Variants in ATP9A observed in about 807,000 individuals in gnomAD.
The protein encoded by ATP9A is ATPase phospholipid transporting 9A, also known as probable phospholipid-transporting ATPase IIA.
A neutral mutation model predicts 144.1 loss-of-function variants in ATP9A; 52 were observed. The observed-to-expected ratio is 0.36, with a 90% CI of 0.29 to 0.45. The LOEUF is 0.45. Ranked by LOEUF, ATP9A falls within the 20% of genes least tolerant of loss-of-function variation. The probability of loss-of-function intolerance (pLI) is 1.00; values close to 1 mark genes in which losing one functional copy is unlikely to be tolerated. For synonymous variants in ATP9A, 582 were observed against 557.4 expected (o/e 1.04, Z -0.62); for missense variants, 947 against 1,392.7 (o/e 0.68, Z 5.09).
intron 6 of ATP9A, among the ~76,000 whole-genome samples, 192 bp downstream of exon 6, chr20:51,695,901 G>T (rs1210858122): frequency 6.6e-6 from 1 of 152,114 alleles, no homozygotes; most frequent in African/African-American, 2.4e-5. Context: ...ATTTTTTAAT[G>T]ATCACAATCT....
At chr20:51,718,380 G>T (rs1197437989) in intron 3 of ATP9A, among the ~76,000 whole-genome samples, 1 of 150,610 alleles carries the variant, frequency 6.6e-6, no homozygotes, top group Admixed American at 6.7e-5. Flanking sequence ...GTGTGGGGGG[G>T]GGTTGTTTGT....
At position 51,611,354 on chromosome 20, in the gene ATP9A, C is replaced by T. The variant is rs922645696; in HGVS notation, c.2572-1189G>A. On this transcript the variant is annotated intron_variant, in intron 23 of 27. Coordinates refer to ENST00000338821, the MANE Select transcript of ATP9A (RefSeq NM_006045.3). The surrounding 1 kb of genome is among the most constrained non-coding windows in gnomAD (Gnocchi z 4.2). ...CAGTGACTTTTCACCCAGGCTGTGC[C>T]GCTGCTTAGGAAGGATGGTTGTAAA... Among the ~76,000 whole-genome samples the T allele has an allele frequency of 1.3e-5, 2 of 152,196 alleles. No homozygotes were observed. Among genetic ancestry groups the T allele is most frequent in the Admixed American group, 6.5e-5 (1 of 15,290 alleles).
chr20:51,660,793 T>C (rs1027669068), intron 13 of ATP9A, among the ~76,000 whole-genome samples: 1 of 152,246 alleles, frequency 6.6e-6, no homozygotes, highest in Non-Finnish European at 1.5e-5. Flanking sequence ...AGTTTCACAT[T>C]GTACAGTGTT....
chr20:51,763,900 C>A (rs935853597), intron 1 of ATP9A, among the ~76,000 whole-genome samples: 1 of 152,130 alleles, frequency 6.6e-6, no homozygotes, highest in Non-Finnish European at 1.5e-5. Flanking sequence ...CATACCTGGA[C>A]AGAATGCTCT....
chr20:51,660,258 G>A (rs2077405511), intron 13 of ATP9A, among the ~76,000 whole-genome samples: 1 of 152,194 alleles, frequency 6.6e-6, no homozygotes, highest in East Asian at 1.9e-4. Flanking sequence ...ATGAAAAGCT[G>A]TACTGAGGGC....
chr20:51,735,309 A>G (rs2077758628), intron 1 of ATP9A, among the ~76,000 whole-genome samples: 1 of 152,124 alleles, frequency 6.6e-6, no homozygotes, highest in Non-Finnish European at 1.5e-5. Flanking sequence ...CGAAAGCAAG[A>G]GGACATACAT....
chr20:51,677,288 T>C (rs1156311783), intron 9 of ATP9A, among the ~76,000 whole-genome samples: 1 of 152,142 alleles, frequency 6.6e-6, no homozygotes, highest in Non-Finnish European at 1.5e-5. Flanking sequence ...AAACCAATGA[T>C]CTGCGGCTAC....
chr20:51,768,271 CA>C, intron 1 of ATP9A, 30 bp downstream of exon 1: 1 of 1,241,360 alleles, frequency 8.1e-7, no homozygotes, highest in Non-Finnish European at 1.0e-6. Context: ...GAGGCGCGGA[CA>C]AAGGAAAACA....
At chr20:51,716,864 C>T (rs1233146972) in intron 3 of ATP9A, among the ~76,000 whole-genome samples, 2 of 152,086 alleles carry the variant, frequency 1.3e-5, no homozygotes, top group African/African-American at 4.8e-5. Context: ...AGAAAAGTAG[C>T]CTTGGTTCAA....
chr20:51,758,624 T>G (rs1002237765), intron 1 of ATP9A, among the ~76,000 whole-genome samples: 3 of 151,988 alleles, frequency 2.0e-5, no homozygotes, highest in African/African-American at 7.2e-5. Context: ...AGCTGTACAG[T>G]AGGTAGAAAG....
intron 13 of ATP9A, among the ~76,000 whole-genome samples, chr20:51,665,527 T>C (rs575830617): frequency 3.9e-5 from 6 of 152,000 alleles, no homozygotes; most frequent in Non-Finnish European, 7.4e-5. Flanking sequence ...GAGGCCAGCC[T>C]GGCCAACATG....
At chr20:51,717,475 C>T (rs2077667371) in intron 3 of ATP9A, among the ~76,000 whole-genome samples, 1 of 152,100 alleles carries the variant, frequency 6.6e-6, no homozygotes, top group Non-Finnish European at 1.5e-5. Flanking sequence ...TTAGCCATCA[C>T]AGGAAAAGCT....
intron 1 of ATP9A, among the ~76,000 whole-genome samples, chr20:51,755,573 T>C (rs1467261738): frequency 6.6e-6 from 1 of 152,182 alleles, no homozygotes; most frequent in African/African-American, 2.4e-5. Flanking sequence ...ATTAGTACAA[T>C]TGCTTTGGAA....
chr20:51,614,172 G>A (rs1601056767), intron 22 of ATP9A, among the ~76,000 whole-genome samples: 1 of 152,252 alleles, frequency 6.6e-6, no homozygotes, highest in East Asian at 1.9e-4. Flanking sequence ...AATTAAACAA[G>A]AGGCAAAAAC....
At chr20:51,663,874 C>G (rs2122778428) in intron 13 of ATP9A, among the ~76,000 whole-genome samples, 1 of 151,892 alleles carries the variant, frequency 6.6e-6, no homozygotes, top group African/African-American at 2.4e-5. Flanking sequence ...AAGAAGAACG[C>G]TCTCTGGCAG....
At chr20:51,638,102 T>TCTC (rs2077302118) in intron 15 of ATP9A, among the ~76,000 whole-genome samples, 2 of 82,888 alleles carry the variant, frequency 2.4e-5, no homozygotes, top group African/African-American at 4.4e-5. Context: ...TATATATATA[T>TCTC]ATATATATAT....
intron 4 of ATP9A, among the ~76,000 whole-genome samples, chr20:51,698,451 G>A (rs188753107): frequency 2.1e-4 from 32 of 152,200 alleles, no homozygotes; most frequent in African/African-American, 7.7e-4. Context: ...CTTGTGCCCA[G>A]GAGATAGAGG....
Position 51,598,445 on chromosome 20 carries a change from G to C in ATP9A, c.*2766C>G, listed in dbSNP as rs1014262343. The C allele has an allele frequency of 6.6e-6, 1 of 152,062 alleles. No homozygotes were observed. Among genetic ancestry groups the C allele is most frequent in the Admixed American group, 6.5e-5 (1 of 15,270 alleles). 9.4% of individuals were successfully genotyped at this position (152,062 alleles called of 1,614,324 possible). A position where few individuals can be genotyped will look rare whatever the true frequency, so the allele number is the denominator to read the frequency against. Reference sequence around the variant, plus strand: ...ATTAAATTGGCTGTCAAAGACTTACGGCCCATGGAGCTCCCAGGTGACAGT... The same window carrying C: ...ATTAAATTGGCTGTCAAAGACTTACCGCCCATGGAGCTCCCAGGTGACAGT... On this transcript the variant is annotated 3_prime_UTR_variant, in exon 28 of 28. Coordinates refer to ENST00000338821, the MANE Select transcript of ATP9A (RefSeq NM_006045.3).
At chr20:51,713,696 T>C (rs989422206) in intron 3 of ATP9A, among the ~76,000 whole-genome samples, 3 of 152,196 alleles carry the variant, frequency 2.0e-5, no homozygotes, top group Non-Finnish European at 2.9e-5. Flanking sequence ...CAGAATAAGA[T>C]ACATCCATTG....
Sources: gnomAD v4.1 joint callset for allele counts (sites outside exome capture counted in the v4.1 genomes callset) on GRCh38, gnomAD v4.1.1 for gene constraint, Gnocchi (gnomAD v3.1) non-coding constraint, MANE v1.5 for transcripts, NCBI Gene and HGNC (gene_info 2026-07-23, HGNC 2026-07-21) for gene names.